SGCZ: variants seen among roughly 807,000 people sequenced by gnomAD.
SGCZ encodes sarcoglycan zeta, also known as zeta-sarcoglycan.
In SGCZ, 40 loss-of-function variants were observed where a neutral mutation model predicts 41.3. The observed-to-expected ratio is 0.97, with a 90% CI of 0.75 to 1.26. SGCZ has a LOEUF of 1.26. SGCZ is among the 50% of genes most tolerant of loss of function. The pLI is 0.00. For missense variants in SGCZ, 552 were observed against 369.8 expected, an observed-to-expected ratio of 1.49 and a Z score of -4.04; for synonymous variants, 206 against 137.5, an observed-to-expected ratio of 1.50 and a Z score of -3.49.
At chr8:14,346,659 A>C (rs1238462845) in intron 2 of SGCZ, among the ~76,000 whole-genome samples, 1 of 152,128 alleles carries the variant, frequency 6.6e-6, no homozygotes, top group African/African-American at 2.4e-5. Flanking sequence ...ACAATAAAAC[A>C]AAATAAAACT....
At chr8:14,443,965 GAAAC>G (rs1289483872) in intron 2 of SGCZ, among the ~76,000 whole-genome samples, 7 of 152,090 alleles carry the variant, frequency 4.6e-5, no homozygotes, top group African/African-American at 7.2e-5. Flanking sequence ...AAATTTACAA[GAAAC>G]AAACAAACAA....
At chr8:14,823,268 G>A (rs927833749) in intron 1 of SGCZ, among the ~76,000 whole-genome samples, 1 of 151,852 alleles carries the variant, frequency 6.6e-6, no homozygotes, top group Non-Finnish European at 1.5e-5. Context: ...GCACAGGAAA[G>A]GCCAGTATTA....
chr8:14,535,034 G>C (rs1430877013), intron 2 of SGCZ, among the ~76,000 whole-genome samples: 2 of 151,892 alleles, frequency 1.3e-5, no homozygotes, highest in African/African-American at 4.8e-5. Context: ...TTTTTTATTA[G>C]TTAGTATAAA....
intron 2 of SGCZ, among the ~76,000 whole-genome samples, chr8:14,507,774 GT>G (rs61638509): frequency 6.6e-5 from 9 of 135,456 alleles, no homozygotes; most frequent in African/African-American, 1.9e-4. Context: ...TTTTGTTTTT[GT>G]TTTTTTTTTT....
intron 2 of SGCZ, among the ~76,000 whole-genome samples, chr8:14,443,250 G>C (rs1218873710): frequency 6.6e-6 from 1 of 151,818 alleles, no homozygotes; most frequent in Non-Finnish European, 1.5e-5. Context: ...GTAATTTATA[G>C]ATTCAATGCC....
intron 1 of SGCZ, among the ~76,000 whole-genome samples, chr8:15,105,134 C>T (rs534281699): frequency 7.9e-5 from 12 of 152,296 alleles, no homozygotes; most frequent in Non-Finnish European, 1.0e-4. Flanking sequence ...AGTTACTGGA[C>T]ACTTGTATTA....
At chr8:14,496,792 A>T (rs1221038846) in intron 2 of SGCZ, among the ~76,000 whole-genome samples, 2 of 152,192 alleles carry the variant, frequency 1.3e-5, no homozygotes, top group Non-Finnish European at 2.9e-5. Flanking sequence ...AATTCTTACA[A>T]AATAAGAAAG....
intron 1 of SGCZ, among the ~76,000 whole-genome samples, chr8:14,571,088 C>T (rs1016775349): frequency 6.6e-6 from 1 of 152,064 alleles, no homozygotes; most frequent in Non-Finnish European, 1.5e-5. Flanking sequence ...ACTCTCAGTT[C>T]CACATGGCTG....
intron 1 of SGCZ, among the ~76,000 whole-genome samples, chr8:15,208,194 C>T (rs1801130322): frequency 6.6e-6 from 1 of 152,162 alleles, no homozygotes; most frequent in African/African-American, 2.4e-5. Context: ...AGATCAAAGA[C>T]AGTAATCCTC....
At chr8:15,054,731 G>C (rs184337159) in intron 1 of SGCZ, among the ~76,000 whole-genome samples, 5 of 151,712 alleles carry the variant, frequency 3.3e-5, no homozygotes, top group South Asian at 2.1e-4. Flanking sequence ...GAGGCGGGCA[G>C]ACCACGAGGT....
intron 2 of SGCZ, among the ~76,000 whole-genome samples, chr8:14,540,220 A>ATTTTTTTTT (rs11428713): frequency 8.2e-5 from 4 of 48,716 alleles, no homozygotes; most frequent in African/African-American, 3.2e-4. Context: ...TCTCTGCTTA[A>ATTTTTTTTT]TTTTTTTTTT....
rs796654422 is a variant in SGCZ at position 14,679,133 on chromosome 8, C to G, written c.40-124207G>C. 9.9e-5 allele frequency among the ~76,000 whole-genome samples: 15 copies of G among 152,258 alleles called. 1 individual carries two copies. The highest frequency in any genetic ancestry group is 3.6e-4 in the African/African-American group (15 of 41,562). On this transcript the variant is annotated intron_variant, in intron 1 of 7. Transcript: ENST00000382080. ...AGTGCAGGTATAAACCGACCTACTG[C>G]ACTGCCAGTCATATAATAATATATC...
chr8:14,977,079 G>T (rs559608574), intron 1 of SGCZ, among the ~76,000 whole-genome samples: 1 of 152,312 alleles, frequency 6.6e-6, no homozygotes, highest in African/African-American at 2.4e-5. Context: ...TCTCTCTGTT[G>T]TTCTGGTAAC....
At chr8:14,975,336 C>T (rs1242387405) in intron 1 of SGCZ, among the ~76,000 whole-genome samples, 2 of 151,934 alleles carry the variant, frequency 1.3e-5, no homozygotes, top group Non-Finnish European at 2.9e-5. Flanking sequence ...AAAAGAATTC[C>T]AGCCTCATCC....
chr8:14,198,757 T>C (rs937007926), intron 4 of SGCZ, among the ~76,000 whole-genome samples: 2 of 152,208 alleles, frequency 1.3e-5, no homozygotes, highest in African/African-American at 2.4e-5. Flanking sequence ...GATGATTTTA[T>C]GGATGTTTAT....
intron 2 of SGCZ, among the ~76,000 whole-genome samples, chr8:14,362,644 C>T (rs146448525): frequency 1.3e-5 from 2 of 152,278 alleles, no homozygotes; most frequent in Non-Finnish European, 2.9e-5. Flanking sequence ...AGACCCCTTG[C>T]ACCCCCCAGA....
intron 2 of SGCZ, among the ~76,000 whole-genome samples, chr8:14,552,226 C>A (rs995016002): frequency 3.3e-5 from 5 of 152,056 alleles, no homozygotes; most frequent in Admixed American, 6.6e-5. Flanking sequence ...CAAATTATTT[C>A]ACACCCTTCA....
chr8:14,365,146 A>G (rs773527736), intron 2 of SGCZ, among the ~76,000 whole-genome samples: 1 of 152,008 alleles, frequency 6.6e-6, no homozygotes, highest in Non-Finnish European at 1.5e-5. Context: ...TATGCTTTAG[A>G]TTACAGGGTA....
intron 1 of SGCZ, among the ~76,000 whole-genome samples, chr8:14,927,102 CTTTTTTT>C (rs71209091): frequency 2.2e-4 from 18 of 82,692 alleles, no homozygotes; most frequent in African/African-American, 7.1e-4. Flanking sequence ...GTTCCTGATT[CTTTTTTT>C]TTTTTTTTTT....
Sources: allele counts gnomAD v4.1 joint callset (sites outside exome capture counted in the v4.1 genomes callset), GRCh38; gene constraint gnomAD v4.1.1; transcripts MANE v1.5; gene names NCBI Gene and HGNC (gene_info 2026-07-23, HGNC 2026-07-21).